The following TOX2 variants were observed in gnomAD, a reference collection of about 807,000 sequenced individuals.
TOX2 encodes granulosa cell HMG box 1.
In TOX2, 15 loss-of-function variants were observed where a neutral mutation model predicts 47.4. The ratio of observed to expected loss-of-function variants is 0.32; its 90% CI spans 0.21 to 0.49. The LOEUF is 0.49. Ranked by LOEUF, TOX2 falls within the 20% of genes least tolerant of loss-of-function variation. The probability of loss-of-function intolerance (pLI) is 0.99; values close to 1 mark genes in which losing one functional copy is unlikely to be tolerated. For missense variants in TOX2, 622 were observed against 673.1 expected (o/e 0.92, Z 0.84); for synonymous variants, 290 against 296.6 (o/e 0.98, Z 0.23).
At chr20:43,958,030 A>G (rs558491124) in intron 1 of TOX2, among the ~76,000 whole-genome samples, 89 of 152,302 alleles carry the variant, frequency 5.8e-4, no homozygotes, top group Middle Eastern at 3.4e-3. Context: ...GGGTGGGGAC[A>G]TAGAGCTAAA....
chr20:44,019,504 G>T (rs1251420356), intron 3 of TOX2, among the ~76,000 whole-genome samples: 1 of 152,248 alleles, frequency 6.6e-6, no homozygotes, highest in Admixed American at 6.5e-5. Context: ...TCGAGTGTGG[G>T]TGTTGGTCAA....
intron 3 of TOX2, among the ~76,000 whole-genome samples, chr20:44,019,706 A>G (rs1389159416): frequency 3.9e-5 from 6 of 152,172 alleles, no homozygotes; most frequent in Admixed American, 6.5e-5. Flanking sequence ...TAACTAACTA[A>G]GCATGGTTAG....
chr20:43,927,714 T>TCCTTCCCTTCCCTTCC (rs2145307861), intron 1 of TOX2, among the ~76,000 whole-genome samples: 2 of 144,930 alleles, frequency 1.4e-5, no homozygotes, highest in Admixed American at 7.0e-5. Flanking sequence ...CTTTCTTCCT[T>TCCTTCCCTTCCCTTCC]CCTTCCTTCT....
chr20:43,971,920 C>T (rs958628387), intron 1 of TOX2, among the ~76,000 whole-genome samples: 5 of 152,126 alleles, frequency 3.3e-5, no homozygotes, highest in Admixed American at 6.5e-5. Flanking sequence ...AGCTGGTAGA[C>T]GTTGCCTCTG....
chr20:43,925,806 G>T (rs1293918563), intron 1 of TOX2, among the ~76,000 whole-genome samples: 1 of 152,148 alleles, frequency 6.6e-6, no homozygotes, highest in African/African-American at 2.4e-5. Flanking sequence ...GAACTATGCT[G>T]GGCACATTTG....
At chr20:44,022,113 A>T (rs1252728207) in intron 3 of TOX2, among the ~76,000 whole-genome samples, 1 of 152,238 alleles carries the variant, frequency 6.6e-6, no homozygotes, top group Non-Finnish European at 1.5e-5. Context: ...CGCTGGAGAC[A>T]AAACTGTCCT....
At chr20:44,032,193 G>A (rs2071165884) in intron 3 of TOX2, among the ~76,000 whole-genome samples, 2 of 152,088 alleles carry the variant, frequency 1.3e-5, no homozygotes, top group Admixed American at 1.3e-4. Flanking sequence ...AGCAGGGTGA[G>A]TATCCCCTGC....
chr20:44,019,124 T>TGAAA (rs1371500297), intron 3 of TOX2, among the ~76,000 whole-genome samples: 2 of 152,132 alleles, frequency 1.3e-5, no homozygotes, highest in East Asian at 3.8e-4. Context: ...AATGAATGAA[T>TGAAA]GAATGAATGA....
chr20:43,948,481 C>T (rs111686311), intron 1 of TOX2, among the ~76,000 whole-genome samples: 4 of 152,368 alleles, frequency 2.6e-5, no homozygotes, highest in African/African-American at 9.6e-5. Context: ...GGCGGCATCC[C>T]TGATGACTCT....
In TOX2 at chr20:44,065,967, C is replaced by T. The variant is rs141373012; in HGVS notation, c.1216C>T (p.Leu406=). 1.2e-4 allele frequency: 198 copies of T among 1,613,406 alleles called. No individual in the cohort carries two copies. The African/African-American group carries it at 2.5e-3, about 20-fold the overall frequency. The change falls in exon 7 of 9, where the codon CTG becomes TTG. Residue 406 remains leucine, a synonymous_variant. Coordinates refer to ENST00000341197, the MANE Select transcript of TOX2 (RefSeq NM_001098797.2). ...GCTCAGCCCCACACTGCACCAGCAG[C>T]TGTCACTGCCCCCTCACGCCCAGGG... is the stretch of plus-strand genomic sequence containing the variant. ...FPLSPTLHQQ[L]SLPPHAQGAL...
At chr20:44,006,827 T>C (rs1285256253) in intron 3 of TOX2, 35 bp downstream of exon 3, 2 of 1,601,258 alleles carry the variant, frequency 1.2e-6, no homozygotes, top group East Asian at 4.5e-5. Flanking sequence ...TTCCTGCTGA[T>C]GACAGCAGGG....
rs141252944 is a variant in TOX2, at chr20:43,924,110, G to A, written c.99+9120G>A. ...TGAAGGGCGAGCTGCAAGCCCAGCC[G>A]CTGATATTCCTGAGGTTGGGGGATG... is the stretch of plus-strand genomic sequence containing the variant. On this transcript the variant is annotated intron_variant, in intron 1 of 8. Coordinates refer to ENST00000341197, the MANE Select transcript of TOX2 (RefSeq NM_001098797.2). Among the ~76,000 whole-genome samples, 469 of 152,308 alleles carry A rather than the reference G, an allele frequency of 3.1e-3. 2 individuals carry two copies. Among genetic ancestry groups the A allele is most frequent in the African/African-American group, 0.011 (451 of 41,570 alleles).
intron 2 of TOX2, among the ~76,000 whole-genome samples, chr20:43,976,799 CACACAT>C (rs2070087716): frequency 6.6e-6 from 1 of 151,976 alleles, no homozygotes; most frequent in Non-Finnish European, 1.5e-5. Flanking sequence ...CACACACACA[CACACAT>C]ACACACATAC....
chr20:43,968,543 T>A (rs577519334), intron 1 of TOX2, among the ~76,000 whole-genome samples: 1 of 152,290 alleles, frequency 6.6e-6, no homozygotes, highest in African/African-American at 2.4e-5. Context: ...GAGAGACAGA[T>A]GCCTTAGAAG....
intron 5 of TOX2, among the ~76,000 whole-genome samples, chr20:44,059,323 A>T (rs773920080): frequency 4.1e-4 from 62 of 152,210 alleles, no homozygotes; most frequent in Non-Finnish European, 8.1e-4. Flanking sequence ...AACAGAGACA[A>T]AAAATTTTAA....
At chr20:44,052,267 C>T (rs1170893424) in intron 4 of TOX2, among the ~76,000 whole-genome samples, 3 of 152,194 alleles carry the variant, frequency 2.0e-5, no homozygotes, top group Admixed American at 6.5e-5. Context: ...GCCACCTGTC[C>T]GGGCTCTGGC....
rs577718588 is a variant in TOX2, at chr20:44,052,174, C to A, written c.651+629C>A. Among the ~76,000 whole-genome samples the A allele has an allele frequency of 2.0e-5, 3 of 152,120 alleles. No individual in the cohort carries two copies. In the East Asian group the frequency reaches 5.8e-4, roughly 29 times the overall value. Reference sequence around the variant, plus strand: ...AGGGTGGGGTGCAAAAATGACCGCCCCACTGGGAACATGCATTCCCCCAAC... The same window carrying A: ...AGGGTGGGGTGCAAAAATGACCGCCACACTGGGAACATGCATTCCCCCAAC... On this transcript the variant is annotated intron_variant, in intron 4 of 8. Transcript: ENST00000341197.
intron 1 of TOX2, among the ~76,000 whole-genome samples, chr20:43,946,414 T>C (rs1299797470): frequency 6.6e-6 from 1 of 152,050 alleles, no homozygotes; most frequent in Non-Finnish European, 1.5e-5. Context: ...GGATGGCCCA[T>C]GGCTTGGGAG....
intron 1 of TOX2, among the ~76,000 whole-genome samples, chr20:43,923,143 G>A (rs2069128852): frequency 6.6e-6 from 1 of 152,054 alleles, no homozygotes. Flanking sequence ...AGCCTAAGGA[G>A]GGGAAACCTG....
Sources: gnomAD v4.1 joint callset for allele counts (sites outside exome capture counted in the v4.1 genomes callset) on GRCh38, gnomAD v4.1.1 for gene constraint, MANE v1.5 for transcripts, NCBI Gene and HGNC (gene_info 2026-07-23, HGNC 2026-07-21) for gene names.